The following EYS variants were observed in gnomAD, a reference collection of about 807,000 sequenced individuals.
EYS encodes the protein protein eyes shut homolog.
A neutral mutation model predicts 282.1 loss-of-function variants in EYS; 250 were observed. The observed-to-expected ratio is 0.89, with a 90% CI of 0.80 to 0.98. The LOEUF (loss-of-function observed/expected upper bound fraction) is 0.98. Among genes scored for constraint, EYS ranks in the 50% least tolerant of loss-of-function variants. The probability of loss-of-function intolerance (pLI) is 0.00; values close to 1 mark genes in which losing one functional copy is unlikely to be tolerated. For missense variants in EYS, 4,016 were observed against 3,709.0 expected, an observed-to-expected ratio of 1.08 and a Z score of -2.15; for synonymous variants, 1,355 against 1,282.9, an observed-to-expected ratio of 1.06 and a Z score of -1.20.
chr6:64,618,478 T>C (rs764850079), intron 23 of EYS, among the ~76,000 whole-genome samples: 7 of 152,206 alleles, frequency 4.6e-5, no homozygotes, highest in Non-Finnish European at 1.0e-4. Flanking sequence ...TATTTTTCTA[T>C]GTATTGTCCA....
At chr6:64,643,689 G>T (rs1169785329) in intron 22 of EYS, among the ~76,000 whole-genome samples, 1 of 152,186 alleles carries the variant, frequency 6.6e-6, no homozygotes, top group African/African-American at 2.4e-5. Flanking sequence ...ATGGGTGTGG[G>T]TCTTTCTCCT....
At chr6:64,422,469 G>GGACCTTC (rs772654996) in intron 28 of EYS, among the ~76,000 whole-genome samples, 8 of 152,124 alleles carry the variant, frequency 5.3e-5, no homozygotes, top group Non-Finnish European at 5.9e-5. Flanking sequence ...AATCTGCTGA[G>GGACCTTC]GACCTTCGTA....
At chr6:65,102,269 C>CA (rs1408078270) in intron 12 of EYS, among the ~76,000 whole-genome samples, 1 of 151,192 alleles carries the variant, frequency 6.6e-6, no homozygotes. Context: ...CATTTAAAAG[C>CA]AAAATGACTT....
At chr6:65,035,334 C>G (rs145545110) in intron 13 of EYS, among the ~76,000 whole-genome samples, 1 of 151,974 alleles carries the variant, frequency 6.6e-6, no homozygotes, top group Non-Finnish European at 1.5e-5. Context: ...AACATAGCAC[C>G]GGAAGTCCTA....
intron 22 of EYS, among the ~76,000 whole-genome samples, chr6:64,677,453 C>A (rs1371818413): frequency 1.3e-5 from 2 of 152,302 alleles, no homozygotes; most frequent in Non-Finnish European, 2.9e-5. Flanking sequence ...CAAATTAAAT[C>A]ATGTTAGCCA....
intron 22 of EYS, among the ~76,000 whole-genome samples, chr6:64,770,755 C>G (rs956487103): frequency 6.6e-6 from 1 of 151,800 alleles, no homozygotes; most frequent in African/African-American, 2.4e-5. Flanking sequence ...AAAGGAACCT[C>G]AAATGAGCTT....
intron 22 of EYS, among the ~76,000 whole-genome samples, chr6:64,719,136 C>T (rs377165739): frequency 9.2e-5 from 14 of 152,074 alleles, no homozygotes; most frequent in Non-Finnish European, 1.6e-4. Flanking sequence ...GGAGTCTTTA[C>T]GGACAGGCTC....
intron 14 of EYS, among the ~76,000 whole-genome samples, chr6:64,946,704 A>T (rs1456626425): frequency 1.3e-5 from 2 of 151,992 alleles, no homozygotes; most frequent in Non-Finnish European, 1.5e-5. Flanking sequence ...GCTATAAAAC[A>T]TTGAAACATG....
chr6:65,583,208 A>C (rs906169453), intron 2 of EYS, among the ~76,000 whole-genome samples: 17 of 152,138 alleles, frequency 1.1e-4, no homozygotes, highest in African/African-American at 4.1e-4. Context: ...CTAGGTTATA[A>C]TACTCCAGAT....
At chr6:64,213,538 A>G (rs1469203868) in intron 31 of EYS, among the ~76,000 whole-genome samples, 1 of 152,186 alleles carries the variant, frequency 6.6e-6, no homozygotes, top group Non-Finnish European at 1.5e-5. Context: ...AAAAATTATT[A>G]CATTTATTAA....
intron 30 of EYS, among the ~76,000 whole-genome samples, chr6:64,243,565 T>C (rs1766908002): frequency 1.3e-5 from 2 of 152,216 alleles, no homozygotes; most frequent in Non-Finnish European, 2.9e-5. Flanking sequence ...AAAATCTTCA[T>C]ACATCTCATT....
intron 26 of EYS, among the ~76,000 whole-genome samples, chr6:64,562,500 C>T (rs1765428217): frequency 6.6e-6 from 1 of 151,738 alleles, no homozygotes; most frequent in Non-Finnish European, 1.5e-5. Context: ...AATAATACTG[C>T]TATTATGGAA....
At chr6:64,709,050 T>C (rs1771122631) in intron 22 of EYS, among the ~76,000 whole-genome samples, 1 of 150,522 alleles carries the variant, frequency 6.6e-6, no homozygotes, top group African/African-American at 2.5e-5. Context: ...CAGTAAGTAA[T>C]GTACTAAATT....
At chr6:64,296,592 ATATATATTTT>A (rs1561913865) in intron 30 of EYS, among the ~76,000 whole-genome samples, 23 of 4,500 alleles carry the variant, frequency 5.1e-3, no homozygotes, top group South Asian at 0.021. Context: ...ATACATATAT[ATATATATTTT>A]TTTTTTTTTT....
chr6:65,038,005 T>G (rs946955908), intron 13 of EYS, among the ~76,000 whole-genome samples: 9 of 151,608 alleles, frequency 5.9e-5, no homozygotes, highest in African/African-American at 2.2e-4. Flanking sequence ...TTCATTAATT[T>G]CAACAATATC....
chr6:65,703,973 C>T (rs1034139112), intron 1 of EYS, among the ~76,000 whole-genome samples: 4 of 151,804 alleles, frequency 2.6e-5, no homozygotes, highest in Non-Finnish European at 4.4e-5. Flanking sequence ...AACGACTGAG[C>T]GAATTGAAAG....
chr6:64,437,219 G>A (rs1269538233), intron 27 of EYS, among the ~76,000 whole-genome samples: 1 of 151,568 alleles, frequency 6.6e-6, no homozygotes, highest in East Asian at 1.9e-4. Context: ...AGGATTGTAG[G>A]TGAAAATATT....
intron 26 of EYS, among the ~76,000 whole-genome samples, chr6:64,452,668 C>T (rs893314865): frequency 3.9e-5 from 6 of 152,082 alleles, no homozygotes; most frequent in African/African-American, 1.4e-4. Context: ...GAGATACAGA[C>T]CAATGGAACA....
intron 37 of EYS, among the ~76,000 whole-genome samples, chr6:63,790,770 G>C (rs763849096): frequency 6.6e-6 from 1 of 152,184 alleles, no homozygotes; most frequent in Non-Finnish European, 1.5e-5. Flanking sequence ...GGAAACATGA[G>C]ATTTTTCTGT....
Sources: gnomAD v4.1 joint callset for allele counts (sites outside exome capture counted in the v4.1 genomes callset) on GRCh38, gnomAD v4.1.1 for gene constraint, MANE v1.5 for transcripts, NCBI Gene and HGNC (gene_info 2026-07-23, HGNC 2026-07-21) for gene names.